Variants in PGC observed in about 807,000 individuals in gnomAD.
PGC encodes the protein progastricsin.
A neutral mutation model predicts 45.9 loss-of-function variants in PGC; 31 were observed. The observed-to-expected ratio is 0.67, with a 90% CI of 0.51 to 0.91. The LOEUF (loss-of-function observed/expected upper bound fraction) is 0.91. PGC is among the 40% of genes least tolerant of loss of function. The pLI is 0.00. For synonymous variants in PGC, 192 were observed against 201.8 expected, an observed-to-expected ratio of 0.95 and a Z score of 0.41; for missense variants, 477 against 493.2, an observed-to-expected ratio of 0.97 and a Z score of 0.31.
In PGC at chr6:41,742,383, G is replaced by A. The variant is rs1317572194; in HGVS notation, c.554C>T (p.Pro185Leu). The A allele has an allele frequency of 1.2e-6, 2 of 1,614,150 alleles. No homozygotes were observed. Among genetic ancestry groups the A allele is most frequent in the Non-Finnish European group, 8.5e-7 (1 of 1,180,002 alleles). The change falls in exon 5 of 9, where the codon CCT (proline) becomes CTT (leucine). Residue 185 changes from proline to leucine, a missense_variant. Pro to Leu is a moderately conservative substitution (Grantham distance 98). Transcript: ENST00000373025. ...GGTGGCCTCATCCACGGACAGAGCA[G>A]GGTAGGCCAGGCCCATGATGCCATC... ...QFDGIMGLAYPALSVDEATTA... is the reference protein window; with the variant it reads ...QFDGIMGLAYLALSVDEATTA...
intron 7 of PGC, among the ~76,000 whole-genome samples, chr6:41,738,041 C>T (rs1224589265): frequency 6.6e-6 from 1 of 150,954 alleles, no homozygotes; most frequent in Non-Finnish European, 1.5e-5. Context: ...TTGGAGTGAT[C>T]CCAGAGCCTC....
rs1561879693 is a variant in PGC at position 41,738,166 on chromosome 6, GCATATATATATACATATATATA to G, written c.916-360_916-339del. 7.9e-4 allele frequency among the ~76,000 whole-genome samples: 15 copies of G among 19,070 alleles called. 1 individual carries two copies. Among genetic ancestry groups the G allele is most frequent in the Non-Finnish European group, 1.5e-3 (12 of 8,258 alleles). 12.5% of individuals were successfully genotyped at this position (19,070 alleles called of 152,430 possible). A position where few individuals can be genotyped will look rare whatever the true frequency, so the allele number is the denominator to read the frequency against. On this transcript the variant is annotated intron_variant, in intron 7 of 8. Transcript: ENST00000373025. ...TATGCATATATATATACATATATAT[GCATATATATATACATATATATA>G]TGCATATATATATGCATATATATAT...
In PGC at chr6:41,739,827, G is replaced by A; in HGVS notation, c.887C>T (p.Thr296Ile). Residue 296 changes from threonine (T) to isoleucine (I), a missense_variant, in exon 7 of 9, where the codon ACA (threonine) becomes ATA (isoleucine). Thr to Ile is a moderately conservative substitution (Grantham distance 89, BLOSUM62 -1). Transcript: ENST00000373025. ...QQYMSALLQA[T>I]GAQEDEYGQF... is the part of the protein sequence containing the mutation. ...TCCATACTCATCCTCCTGGGCCCCT[G>A]TGGCCTGCAGAAGAGCACTCATGTA... 6.2e-7 allele frequency: 1 copy of A among 1,613,998 alleles called. No homozygotes were observed. The highest frequency in any genetic ancestry group is 8.5e-7 in the Non-Finnish European group (1 of 1,179,938).
intron 1 of PGC, among the ~76,000 whole-genome samples, chr6:41,745,751 G>C: frequency 6.6e-6 from 1 of 151,250 alleles, no homozygotes; most frequent in African/African-American, 2.4e-5. Context: ...GTTTCTCTAT[G>C]TTGGTCAGGC....
At chr6:41,737,968 C>T (rs1561879471) in intron 7 of PGC, 140 bp from the exon 8 acceptor site, 1 of 595,992 alleles carries the variant, frequency 1.7e-6, no homozygotes, top group Non-Finnish European at 3.1e-6. Flanking sequence ...AATGCAGCTC[C>T]AAGGGAAAGT....
rs1771743599 is a variant in PGC, at chr6:41,738,205, T to TATATATACAC, written c.916-378_916-377insGTGTATATAT. Among the ~76,000 whole-genome samples, 14 of 63,382 alleles carry TATATATACAC rather than the reference T, an allele frequency of 2.2e-4. 2 individuals are homozygous for TATATATACAC. In the East Asian group the frequency reaches 2.3e-3, roughly 10 times the overall value. 41.6% of individuals were successfully genotyped at this position (63,382 alleles called of 152,430 possible). ...ATATATATATGCATATATATATGCA[T>TATATATACAC]ATATATATGCATATATATATGCATA... On this transcript the variant is annotated intron_variant, in intron 7 of 8. Coordinates refer to ENST00000373025, the MANE Select transcript of PGC (RefSeq NM_002630.4).
intron 5 of PGC, chr6:41,741,007 G>A (rs879633567): frequency 1.3e-6 from 2 of 1,535,126 alleles, no homozygotes; most frequent in Non-Finnish European, 1.7e-6. Flanking sequence ...CTTCTGGGGG[G>A]TCCCCTAGTG....
intron 7 of PGC, among the ~76,000 whole-genome samples, chr6:41,739,424 T>C (rs77446838): frequency 6.9e-6 from 1 of 145,696 alleles, no homozygotes; most frequent in African/African-American, 2.5e-5. Context: ...GAGTTAGGCT[T>C]TTTTTTTTTT....
chr6:41,740,650 T>C (rs563531260), intron 5 of PGC, 40 bp from the exon 6 acceptor site: 2 of 1,561,012 alleles, frequency 1.3e-6, no homozygotes, highest in African/African-American at 1.4e-5. Flanking sequence ...GGGAGTGCCA[T>C]GGAAAAGGAC....
intron 7 of PGC, among the ~76,000 whole-genome samples, chr6:41,738,502 C>T (rs1771759113): frequency 6.6e-6 from 1 of 151,832 alleles, no homozygotes. Flanking sequence ...ATGGCACACA[C>T]GTGTAGTCCC....
In PGC at chr6:41,744,907, C is replaced by G; in HGVS notation, c.60-99G>C. 1.9e-6 allele frequency: 2 copies of G among 1,033,010 alleles called. No individual in the cohort carries two copies. The highest frequency in any genetic ancestry group is 3.1e-5 in the South Asian group (2 of 64,980). 64.0% of individuals were successfully genotyped at this position (1,033,010 alleles called of 1,614,324 possible). A position where few individuals can be genotyped will look rare whatever the true frequency, so the allele number is the denominator to read the frequency against. On this transcript the variant is annotated intron_variant, in intron 1 of 8. Coordinates refer to ENST00000373025, the MANE Select transcript of PGC (RefSeq NM_002630.4). The surrounding 1 kb of genome is among the most constrained non-coding windows in gnomAD (Gnocchi z 4.4). ...TTCTCTTAACTGCATGCTTCAACCT[C>G]CCTGCCACTCTGTTTGTTCCCCCTT...
At chr6:41,746,552 T>C (rs1180223039) in intron 1 of PGC, among the ~76,000 whole-genome samples, 2 of 152,248 alleles carry the variant, frequency 1.3e-5, no homozygotes, top group Admixed American at 1.3e-4. Context: ...GGCCTTGCTC[T>C]AGGCTCCAGA....
intron 3 of PGC, 26 bp from the exon 4 acceptor site, chr6:41,743,415 G>A: frequency 6.9e-7 from 1 of 1,454,784 alleles, no homozygotes; most frequent in Non-Finnish European, 9.7e-7. Context: ...GGCATGGGGA[G>A]TCAGGCCGGC....
chr6:41,738,145 CATATATATATA>C (rs1771728200), intron 7 of PGC, among the ~76,000 whole-genome samples: 1 of 40,030 alleles, frequency 2.5e-5, no homozygotes, highest in Admixed American at 2.7e-4. Context: ...TATATATATG[CATATATATATA>C]CATATATATG....
At chr6:41,747,224 C>G (rs796947372) in intron 1 of PGC, 52 bp downstream of exon 1, 1 of 1,529,890 alleles carries the variant, frequency 6.5e-7, no homozygotes, top group African/African-American at 1.4e-5. Flanking sequence ...CTTTGCAGGG[C>G]TTTAGGCTCC....
intron 4 of PGC, among the ~76,000 whole-genome samples, 167 bp from the exon 5 acceptor site, chr6:41,742,656 C>T (rs575596488): frequency 2.6e-5 from 4 of 152,278 alleles, no homozygotes; most frequent in South Asian, 2.1e-4. Flanking sequence ...GACAGAGTCT[C>T]GCCCTGTCAC....
intron 5 of PGC, 67 bp from the exon 6 acceptor site, chr6:41,740,677 C>A: frequency 6.5e-7 from 1 of 1,529,868 alleles, no homozygotes; most frequent in South Asian, 1.3e-5. Context: ...CCTGAGCAGT[C>A]ACCTCCACAG....
Position 41,742,374 on chromosome 6 carries a change from G to A in PGC, c.563C>T (p.Ser188Phe), listed in dbSNP as rs768914442. 20 of 1,614,044 alleles carry A rather than the reference G, an allele frequency of 1.2e-5. 1 individual carries two copies. The South Asian group carries it at 2.1e-4, about 17-fold the overall frequency. Residue 188 changes from serine (S) to phenylalanine (F), a missense_variant, in exon 5 of 9, where the codon TCC (serine) becomes TTC (phenylalanine). Coordinates refer to ENST00000373025, the MANE Select transcript of PGC (RefSeq NM_002630.4). Reference protein sequence around the residue: ...GIMGLAYPALSVDEATTAMQG... With the variant: ...GIMGLAYPALFVDEATTAMQG... The stretch of plus-strand genomic sequence containing the variant: ...CATAGCTGTGGTGGCCTCATCCACG[G>A]ACAGAGCAGGGTAGGCCAGGCCCAT...
At chr6:41,739,150 G>A (rs775724549) in intron 7 of PGC, among the ~76,000 whole-genome samples, 1 of 152,154 alleles carries the variant, frequency 6.6e-6, no homozygotes, top group Non-Finnish European at 1.5e-5. Flanking sequence ...GGGATAAAGG[G>A]TCAGCCCTGG....
Sources: allele counts gnomAD v4.1 joint callset (sites outside exome capture counted in the v4.1 genomes callset), GRCh38; gene constraint gnomAD v4.1.1; non-coding constraint Gnocchi (gnomAD v3.1); transcripts MANE v1.5; gene names NCBI Gene and HGNC (gene_info 2026-07-23, HGNC 2026-07-21).